Variants in MAMDC2 observed in about 807,000 individuals in gnomAD.
MAMDC2 encodes the protein MAM domain containing 2, also known as MAM domain-containing protein 2.
In MAMDC2, 57 loss-of-function variants were observed where a neutral mutation model predicts 89.8. The ratio of observed to expected loss-of-function variants is 0.63; its 90% CI spans 0.51 to 0.79. MAMDC2 has a LOEUF of 0.79. MAMDC2 is among the 30% of genes least tolerant of loss of function. The pLI, the probability that MAMDC2 is intolerant of heterozygous loss-of-function variation, is 0.00. For synonymous variants in MAMDC2, 313 were observed against 293.4 expected, an observed-to-expected ratio of 1.07 and a Z score of -0.68; for missense variants, 800 against 820.6, an observed-to-expected ratio of 0.97 and a Z score of 0.31.
At chr9:70,193,696 T>G (rs17454433) in intron 11 of MAMDC2, among the ~76,000 whole-genome samples, 7,099 of 152,220 alleles carry the variant, frequency 0.047, 198 homozygotes, top group South Asian at 0.073. Context: ...CTCAAAGACT[T>G]GGCTAGGAGC....
At chr9:70,085,713 GA>G (rs1827755006) in intron 2 of MAMDC2, 1 of 151,988 alleles carries the variant, frequency 6.6e-6, no homozygotes, top group Non-Finnish European at 1.5e-5. Context: ...CCTCTCCTAA[GA>G]TTGATTACCC....
chr9:70,219,040 G>A (rs1238586978), intron 12 of MAMDC2, among the ~76,000 whole-genome samples: 1 of 151,978 alleles, frequency 6.6e-6, no homozygotes, highest in Non-Finnish European at 1.5e-5. Context: ...AGTAAGTTTT[G>A]TTTTTTTAAT....
chr9:70,091,444 T>C (rs1297717217), intron 2 of MAMDC2, among the ~76,000 whole-genome samples: 1 of 152,168 alleles, frequency 6.6e-6, no homozygotes, highest in Non-Finnish European at 1.5e-5. Context: ...GAATCTAAAA[T>C]ACTCTTTTCA....
At chr9:70,074,032 G>C (rs1827471044) in intron 2 of MAMDC2, among the ~76,000 whole-genome samples, 1 of 152,176 alleles carries the variant, frequency 6.6e-6, no homozygotes, top group African/African-American at 2.4e-5. Flanking sequence ...GTAATAGTTT[G>C]TGTATGATGT....
At chr9:70,061,268 C>CTGTTGGTT (rs1212066296) in intron 2 of MAMDC2, among the ~76,000 whole-genome samples, 2 of 152,164 alleles carry the variant, frequency 1.3e-5, no homozygotes, top group Non-Finnish European at 2.9e-5. Context: ...CCTTCTAGTT[C>CTGTTGGTT]ACAAATGAGG....
intron 11 of MAMDC2, among the ~76,000 whole-genome samples, chr9:70,189,151 T>C (rs1261817897): frequency 6.6e-6 from 1 of 152,194 alleles, no homozygotes; most frequent in African/African-American, 2.4e-5. Context: ...GTTATCTTTA[T>C]TGGTACTTTT....
intron 2 of MAMDC2, among the ~76,000 whole-genome samples, chr9:70,056,698 GTA>G (rs897712101): frequency 6.6e-6 from 1 of 152,102 alleles, no homozygotes; most frequent in Non-Finnish European, 1.5e-5. Flanking sequence ...CCACAGATCG[GTA>G]CCGGTCTACT....
rs566065465 is a variant in MAMDC2 at position 70,075,569 on chromosome 9, C to T, written c.148+30872C>T. ...CTGGGTTGAGGATTGTGTGGGAAGC[C>T]GTGAGGAAACAGACATTTATATTAG... On this transcript the variant is annotated intron_variant, in intron 2 of 13. Coordinates refer to ENST00000377182, the MANE Select transcript of MAMDC2 (RefSeq NM_153267.5). 6.6e-5 allele frequency among the ~76,000 whole-genome samples: 10 copies of T among 152,164 alleles called. No individual in the cohort carries two copies. The South Asian group carries it at 1.5e-3, about 22-fold the overall frequency.
intron 7 of MAMDC2, among the ~76,000 whole-genome samples, chr9:70,139,886 G>C (rs1044644332): frequency 1.3e-5 from 2 of 151,986 alleles, no homozygotes; most frequent in Admixed American, 1.3e-4. Context: ...TTTTGAAGTC[G>C]GGTACTTCAT....
intron 11 of MAMDC2, among the ~76,000 whole-genome samples, chr9:70,207,079 G>A (rs1307137798): frequency 7.2e-5 from 11 of 152,188 alleles, no homozygotes; most frequent in South Asian, 6.2e-4. Flanking sequence ...GAATAGTGCT[G>A]AAATAAACAT....
chr9:70,190,798 T>C (rs2032861683), intron 11 of MAMDC2, among the ~76,000 whole-genome samples: 1 of 152,080 alleles, frequency 6.6e-6, no homozygotes, highest in South Asian at 2.1e-4. Context: ...GTGGATACAG[T>C]TGTTCATATA....
At chr9:70,154,564 G>C (rs1263378196) in intron 9 of MAMDC2, among the ~76,000 whole-genome samples, 1 of 127,668 alleles carries the variant, frequency 7.8e-6, no homozygotes, top group Non-Finnish European at 1.6e-5. Context: ...GGTCTCTGTT[G>C]CCCAGGTTGG....
At chr9:70,222,316 A>G (rs1344689073) in intron 12 of MAMDC2, among the ~76,000 whole-genome samples, 1 of 152,216 alleles carries the variant, frequency 6.6e-6, no homozygotes, top group African/African-American at 2.4e-5. Context: ...TAAGTTTTCT[A>G]TGTCTATTAG....
chr9:70,143,767 G>A lies in MAMDC2; in HGVS notation c.1352G>A (p.Arg451Lys). 1 of 1,614,168 alleles carries A rather than the reference G, an allele frequency of 6.2e-7. No individual in the cohort carries two copies. Among genetic ancestry groups the A allele is most frequent in the African/African-American group, 1.3e-5 (1 of 75,058 alleles). The change falls in exon 9 of 14, where the codon AGG becomes AAG. Residue 451 changes from arginine to lysine, a missense_variant. Coordinates refer to ENST00000377182, the MANE Select transcript of MAMDC2 (RefSeq NM_153267.5). ...EKIWSVLESP[R>K]GVWMQAEITF... ...ATCTGGTCTGTGTTGGAGTCCCCAA[G>A]GGGTGTTTGGATGCAAGCTGAAATC...
At chr9:70,192,918 C>G (rs1376589145) in intron 11 of MAMDC2, among the ~76,000 whole-genome samples, 1 of 151,960 alleles carries the variant, frequency 6.6e-6, no homozygotes, top group Non-Finnish European at 1.5e-5. Flanking sequence ...GCTAAACCAG[C>G]CTAACAGGAT....
At chr9:70,222,421 G>T (rs950571149) in intron 12 of MAMDC2, among the ~76,000 whole-genome samples, 2 of 152,154 alleles carry the variant, frequency 1.3e-5, no homozygotes, top group African/African-American at 4.8e-5. Flanking sequence ...TTGAATGGGG[G>T]TGGGCAGGTA....
rs969349429 is a variant in MAMDC2, at chr9:70,057,467, T to A, written c.148+12770T>A. 2.0e-5 allele frequency among the ~76,000 whole-genome samples: 3 copies of A among 152,162 alleles called. No individual in the cohort carries two copies. The East Asian group carries it at 5.8e-4, about 29-fold the overall frequency. ...CTTCTTGTCTCTCCACAAACTCAGC[T>A]ACTCACAATAAAAACTGCTAGAAGA... On this transcript the variant is annotated intron_variant, in intron 2 of 13. Coordinates refer to ENST00000377182, the MANE Select transcript of MAMDC2 (RefSeq NM_153267.5).
At chr9:70,159,092 C>T (rs1262413509) in intron 9 of MAMDC2, among the ~76,000 whole-genome samples, 1 of 149,948 alleles carries the variant, frequency 6.7e-6, no homozygotes, top group Non-Finnish European at 1.5e-5. Context: ...ATAACATTAC[C>T]CTGGAAAGGT....
chr9:70,049,133 G>A (rs1049453528), intron 2 of MAMDC2, among the ~76,000 whole-genome samples: 1 of 152,106 alleles, frequency 6.6e-6, no homozygotes, highest in African/African-American at 2.4e-5. Flanking sequence ...ACAGAAAAAG[G>A]TTGGATGGCT....
Sources: allele counts gnomAD v4.1 joint callset (sites outside exome capture counted in the v4.1 genomes callset), GRCh38; gene constraint gnomAD v4.1.1; transcripts MANE v1.5; gene names NCBI Gene and HGNC (gene_info 2026-07-23, HGNC 2026-07-21).